SNX13: variants seen among roughly 807,000 people sequenced by gnomAD.
The protein encoded by SNX13 is sorting nexin 13.
SNX13 carries 45 observed loss-of-function variants against 133.6 expected under a neutral mutation model. That is an observed-to-expected ratio of 0.34 (90% CI 0.27 to 0.43). The LOEUF is 0.43. Among genes scored for constraint, SNX13 ranks in the 20% least tolerant of loss-of-function variants. The pLI is 1.00. For synonymous variants in SNX13, 414 were observed against 373.9 expected (o/e 1.11, Z -1.24); for missense variants, 1,032 against 1,145.1 (o/e 0.90, Z 1.43).
chr7:17,880,395 T>A (rs1224028581), intron 5 of SNX13: 1 of 152,228 alleles, frequency 6.6e-6, no homozygotes, highest in Non-Finnish European at 1.5e-5. Flanking sequence ...AGTTGACTGT[T>A]AATTAAACGA....
At chr7:17,796,529 C>T in intron 25 of SNX13, 1 of 246,764 alleles carries the variant, frequency 4.1e-6, no homozygotes, top group East Asian at 7.4e-5. Context: ...TCACTTAAAG[C>T]CAAGTCAGAA....
intron 1 of SNX13, among the ~76,000 whole-genome samples, chr7:17,917,519 C>A (rs185944405): frequency 6.6e-6 from 1 of 151,834 alleles, no homozygotes; most frequent in Non-Finnish European, 1.5e-5. Context: ...AAGCCAAAAA[C>A]CAAATCAAGA....
At chr7:17,836,098 A>G (rs1011909395) in intron 13 of SNX13, among the ~76,000 whole-genome samples, 4 of 151,996 alleles carry the variant, frequency 2.6e-5, no homozygotes, top group African/African-American at 9.7e-5. Flanking sequence ...ACTTTTTCCT[A>G]TATATCTCAA....
intron 12 of SNX13, among the ~76,000 whole-genome samples, chr7:17,845,056 C>T (rs191998113): frequency 6.6e-6 from 1 of 151,980 alleles, no homozygotes; most frequent in African/African-American, 2.4e-5. Context: ...TTTGCCACTT[C>T]GTTTCAACAT....
At chr7:17,923,622 A>G (rs1800385294) in intron 1 of SNX13, among the ~76,000 whole-genome samples, 1 of 152,070 alleles carries the variant, frequency 6.6e-6, no homozygotes, top group Non-Finnish European at 1.5e-5. Context: ...AACAGAAAGC[A>G]CCCCAATAAT....
At chr7:17,888,232 A>G (rs1796233149) in intron 5 of SNX13, 1 of 152,428 alleles carries the variant, frequency 6.6e-6, no homozygotes. Flanking sequence ...TATTATCTGT[A>G]TTGTTTTAAT....
Position 17,897,346 on chromosome 7 carries a change from C to T in SNX13, c.113G>A (p.Cys38Tyr), listed in dbSNP as rs772860561. The change falls in exon 2 of 26, where the codon TGC becomes TAC. Residue 38 changes from cysteine to tyrosine, a missense_variant. Transcript: ENST00000428135. ...TGAGTATACTTACCCACCCACAAAG[C>T]AGAGGATATAAAATGTCAAATAAAA... ...VIFYLTFYIL[C>Y]FVGGGLVVTL... The T allele has an allele frequency of 2.4e-5, 37 of 1,562,328 alleles. No homozygotes were observed. The highest frequency in any genetic ancestry group is 3.2e-5 in the Non-Finnish European group (37 of 1,151,150).
At chr7:17,925,515 C>G (rs1015908873) in intron 1 of SNX13, among the ~76,000 whole-genome samples, 4 of 152,016 alleles carry the variant, frequency 2.6e-5, no homozygotes, top group Non-Finnish European at 5.9e-5. Context: ...ACATACAGAT[C>G]AAGGGAACAA....
At chr7:17,893,227 T>G in intron 3 of SNX13, 105 bp downstream of exon 3, 2 of 676,260 alleles carry the variant, frequency 3.0e-6, no homozygotes, top group Non-Finnish European at 5.0e-6. Context: ...CAGTGAGCAT[T>G]AGTAAACTAT....
In SNX13 at chr7:17,801,009, CATATATATATATATATATATATATATAT is replaced by C. The variant is rs71010273; in HGVS notation, c.2298+551_2298+578del. ...CTTGGCAGTATCTACTAAAACTGAA[CATATATATATATATATATATATATATAT>C]ATATATATATATATATATATATATC... is the stretch of plus-strand genomic sequence containing the variant. On this transcript the variant is annotated intron_variant, in intron 22 of 25. Coordinates refer to ENST00000428135, the MANE Select transcript of SNX13 (RefSeq NM_015132.5). 3.8e-3 allele frequency among the ~76,000 whole-genome samples: 453 copies of C among 120,218 alleles called. 7 individuals are homozygous for C. Among genetic ancestry groups the C allele is most frequent in the Middle Eastern group, 8.2e-3 (2 of 244 alleles). The allele number at this position is 120,218 out of a possible 152,430, so 78.9% of individuals were successfully genotyped here.
intron 19 of SNX13, 28 bp from the exon 20 acceptor site, chr7:17,814,972 G>C: frequency 5.1e-6 from 7 of 1,363,106 alleles, no homozygotes; most frequent in Non-Finnish European, 6.6e-6. Flanking sequence ...AAAAAGAAGA[G>C]ATTATCTTAA....
At chr7:17,868,356 C>G in intron 9 of SNX13, 51 bp downstream of exon 9, 1 of 1,358,498 alleles carries the variant, frequency 7.4e-7, no homozygotes, top group Non-Finnish European at 1.0e-6. Context: ...TATATTTTTA[C>G]ATTTCAAAAA....
At chr7:17,930,627 T>C (rs1017350646) in intron 1 of SNX13, among the ~76,000 whole-genome samples, 1 of 152,386 alleles carries the variant, frequency 6.6e-6, no homozygotes. Flanking sequence ...TAAACCTTTA[T>C]GCAACCAATA....
rs138991509 is a variant in SNX13, at chr7:17,921,181, C to A, written c.12+19103G>T. On this transcript the variant is annotated intron_variant, in intron 1 of 25. Transcript: ENST00000428135. ...CCTATGAAATTCAGTCTATCAAGGT[C>A]TGGACTGACTCCTAAGAACTGTTTA... is the stretch of plus-strand genomic sequence containing the variant. 1.3e-3 allele frequency among the ~76,000 whole-genome samples: 194 copies of A among 152,272 alleles called. 3 individuals are homozygous for A. The highest frequency in any genetic ancestry group is 6.8e-3 in the Middle Eastern group (2 of 294).
intron 8 of SNX13, among the ~76,000 whole-genome samples, chr7:17,869,931 GA>G (rs1562811716): frequency 1.3e-5 from 2 of 151,680 alleles, no homozygotes; most frequent in African/African-American, 4.8e-5. Flanking sequence ...TTCAAAAGGA[GA>G]AAAAAACACC....
intron 20 of SNX13, among the ~76,000 whole-genome samples, chr7:17,807,819 CA>C (rs1785492851): frequency 7.3e-6 from 1 of 136,064 alleles, no homozygotes; most frequent in Non-Finnish European, 1.5e-5. Context: ...GATACTCGGG[CA>C]AACAGGGTCT....
chr7:17,869,879 G>GAC (rs10569996), intron 8 of SNX13, among the ~76,000 whole-genome samples: 535 of 149,484 alleles, frequency 3.6e-3, no homozygotes, highest in East Asian at 6.1e-3. Context: ...CACACACACA[G>GAC]ACACACACAC....
At position 17,794,258 on chromosome 7, in the gene SNX13, T is replaced by G; in HGVS notation, c.2661A>C (p.Thr887=). The G allele has an allele frequency of 6.2e-7, 1 of 1,611,480 alleles. No individual in the cohort carries two copies. Among genetic ancestry groups the G allele is most frequent in the Non-Finnish European group, 8.5e-7 (1 of 1,178,372 alleles). The change falls in exon 26 of 26, where the codon ACA becomes ACC. Residue 887 remains threonine (T), a synonymous_variant. Transcript: ENST00000428135. ...ELKHIIGAET[T]RKGILRVFEM... is the part of the protein sequence containing the mutation. ...CAAAAACACGAAGAATACCTTTCCG[T>G]GTTGTCTCAGCCCCAATAATGTGCT...
intron 1 of SNX13, among the ~76,000 whole-genome samples, chr7:17,929,152 G>GA (rs1801112477): frequency 6.6e-6 from 1 of 151,478 alleles, no homozygotes; most frequent in African/African-American, 2.4e-5. Context: ...ACAGAAAGGA[G>GA]AAAAAACAAA....
Sources: allele counts gnomAD v4.1 joint callset (sites outside exome capture counted in the v4.1 genomes callset), GRCh38; gene constraint gnomAD v4.1.1; transcripts MANE v1.5; gene names NCBI Gene and HGNC (gene_info 2026-07-23, HGNC 2026-07-21).